ANGPTL6: variants seen among roughly 807,000 people sequenced by gnomAD.
The protein encoded by ANGPTL6 is angiopoietin like 6.
In ANGPTL6, 45 loss-of-function variants were observed where a neutral mutation model predicts 47.4. That is an observed-to-expected ratio of 0.95 (90% CI 0.75 to 1.22). ANGPTL6 has a LOEUF of 1.22. ANGPTL6 is among the 50% of genes most tolerant of loss of function. The pLI, the probability that ANGPTL6 is intolerant of heterozygous loss-of-function variation, is 0.00. For synonymous variants in ANGPTL6, 290 were observed against 295.9 expected (o/e 0.98, Z 0.20); for missense variants, 698 against 669.4 (o/e 1.04, Z -0.47).
chr19:10,106,034 C>T (rs1027472211), upstream of ANGPTL6, among the ~76,000 whole-genome samples: 3 of 152,254 alleles, frequency 2.0e-5, no homozygotes, highest in African/African-American at 7.2e-5. Context: ...TACATGGTCG[C>T]TCCTAATTCG....
In ANGPTL6 at chr19:10,094,852, G is replaced by A; in HGVS notation, c.669C>T (p.Ala223=). The change falls in exon 3 of 6, where the codon GCC becomes GCT. Residue 223 remains alanine, a synonymous_variant. Transcript: ENST00000253109. The stretch of plus-strand genomic sequence containing the variant: ...GGGTCTGGTCTCTCTGGGGCTCTGG[G>A]GCTGGGTCCAGCATCCTACTGGTGT... The part of the protein sequence containing the change: ...TSDTSRMLDP[A]PEPQRDQTQR... The A allele has an allele frequency of 6.2e-7, 1 of 1,614,196 alleles. No individual in the cohort carries two copies. The highest frequency in any genetic ancestry group is 1.1e-5 in the South Asian group (1 of 91,084).
upstream of ANGPTL6, chr19:10,102,933 G>A (rs938255719): frequency 4.8e-5 from 13 of 268,416 alleles, no homozygotes; most frequent in Non-Finnish European, 6.9e-5. Context: ...CAGGCCCTGG[G>A]GCAGCCAGGC....
intron 5 of ANGPTL6, 109 bp from the exon 6 acceptor site, chr19:10,092,888 T>C: frequency 1.1e-6 from 1 of 916,236 alleles, no homozygotes; most frequent in Non-Finnish European, 1.6e-6. Context: ...CCATTCTTAT[T>C]GAATACAAGC....
chr19:10,100,280 G>T (rs533161639), intron 1 of ANGPTL6, among the ~76,000 whole-genome samples: 35 of 151,948 alleles, frequency 2.3e-4, no homozygotes, highest in Non-Finnish European at 4.0e-4. Context: ...GTCGTGCTCT[G>T]TTGCCCAGGC....
intron 1 of ANGPTL6, among the ~76,000 whole-genome samples, chr19:10,099,744 C>G (rs2088634514): frequency 6.6e-6 from 1 of 151,864 alleles, no homozygotes; most frequent in African/African-American, 2.4e-5. Context: ...CCTTCCTATC[C>G]TTATTCAAGT....
rs1031940757 is a variant in ANGPTL6 at position 10,093,976 on chromosome 19, A to G, written c.764-96T>C. ...TTCTCACAGGTCCTCTCACCAGAATAAGAGTTCTGCCTCTCCCACTTTTCT... is the reference window on the plus strand; with the variant it reads ...TTCTCACAGGTCCTCTCACCAGAATGAGAGTTCTGCCTCTCCCACTTTTCT... On this transcript the variant is annotated intron_variant, in intron 3 of 5. Coordinates refer to ENST00000253109, the MANE Select transcript of ANGPTL6 (RefSeq NM_031917.3). 1.4e-5 allele frequency: 18 copies of G among 1,332,726 alleles called. No individual in the cohort carries two copies. In the African/African-American group the frequency reaches 2.6e-4, roughly 19 times the overall value. 82.6% of individuals were successfully genotyped at this position (1,332,726 alleles called of 1,614,324 possible). A position where few individuals can be genotyped will look rare whatever the true frequency, so the allele number is the denominator to read the frequency against.
At chr19:10,103,615 A>G (rs1260407971), upstream of ANGPTL6, among the ~76,000 whole-genome samples, 2 of 25,028 alleles carry the variant, frequency 8.0e-5, no homozygotes, top group Admixed American at 5.2e-4. Flanking sequence ...AAATAAATAA[A>G]TAAATAAATA....
At chr19:10,097,168 G>A (rs2088567758) in intron 1 of ANGPTL6, among the ~76,000 whole-genome samples, 1 of 152,196 alleles carries the variant, frequency 6.6e-6, no homozygotes, top group Non-Finnish European at 1.5e-5. Context: ...CACTTTGGGA[G>A]GCCGAGGTGG....
At chr19:10,102,789 C>T (rs1452069954), upstream of ANGPTL6, 11 of 983,252 alleles carry the variant, frequency 1.1e-5, 1 homozygote, top group Admixed American at 6.2e-5. Flanking sequence ...TAGCATTTCC[C>T]GAATGAGAAA....
upstream of ANGPTL6, among the ~76,000 whole-genome samples, chr19:10,104,300 G>C (rs1476678844): frequency 1.2e-5 from 1 of 86,314 alleles, no homozygotes; most frequent in South Asian, 4.3e-4. Context: ...TGTTTTTTTT[G>C]TTTTGTTTGT....
At chr19:10,094,416 G>C (rs1288468605) in intron 3 of ANGPTL6, 2 of 317,288 alleles carry the variant, frequency 6.3e-6, no homozygotes, top group Non-Finnish European at 1.2e-5. Flanking sequence ...AAAGTGCTGG[G>C]ATTACAGGCA....
Position 10,093,899 on chromosome 19 carries a change from G to C in ANGPTL6, c.764-19C>G, listed in dbSNP as rs187422295. The C allele has an allele frequency of 4.8e-3, 7,705 of 1,604,254 alleles. 268 individuals carry two copies. In the Admixed American group the frequency reaches 0.052, roughly 11 times the overall value. Reference sequence around the variant, plus strand: ...CACGGGCCTGTGGGCACAGGGATAGGGGGGAGGCACAGCCTGGGCTGACCA... The same window carrying C: ...CACGGGCCTGTGGGCACAGGGATAGCGGGGAGGCACAGCCTGGGCTGACCA... On this transcript the variant is annotated intron_variant, in intron 3 of 5. Transcript: ENST00000253109.
Position 10,092,795 on chromosome 19 carries a change from G to A in ANGPTL6, c.1223-16C>T, listed in dbSNP as rs745849563. On this transcript the variant is annotated splice_polypyrimidine_tract_variant and intron_variant, in intron 5 of 5. Coordinates refer to ENST00000253109, the MANE Select transcript of ANGPTL6 (RefSeq NM_031917.3). ...GCACAGTTACCTGAGGGGAGAGAGA[G>A]AGTCCATGTCCTCTCACCAGAATAA... 11 of 1,580,634 alleles carry A rather than the reference G, an allele frequency of 7.0e-6. No homozygotes were observed. The highest frequency in any genetic ancestry group is 2.6e-6 in the Non-Finnish European group (3 of 1,157,212).
At chr19:10,096,737 A>C in intron 1 of ANGPTL6, 164 bp from the exon 2 acceptor site, 2 of 520,262 alleles carry the variant, frequency 3.8e-6, no homozygotes, top group Non-Finnish European at 3.3e-6. Flanking sequence ...GGGTGATCCC[A>C]CTCTGGCTTC....
rs2088547783 is a variant in ANGPTL6 at position 10,096,480 on chromosome 19, G to C, written c.84C>G (p.Thr28=). The change falls in exon 2 of 6, where the codon ACC becomes ACG. Residue 28 remains threonine, a synonymous_variant. Transcript: ENST00000253109. ...TCTGCGGGGGCAGCACGAAGGTGTA[G>C]GTGCAGCGCGGGGCGCCCGCCCGCG... The part of the protein sequence containing the change: ...SWARAGAPRC[T]YTFVLPPQKF... 6.6e-7 allele frequency: 1 copy of C among 1,506,216 alleles called. No individual in the cohort carries two copies. The highest frequency in any genetic ancestry group is 1.4e-5 in the African/African-American group (1 of 69,344). 93.3% of individuals were successfully genotyped at this position (1,506,216 alleles called of 1,614,324 possible).
intron 2 of ANGPTL6, among the ~76,000 whole-genome samples, chr19:10,095,304 C>T (rs1257817237): frequency 6.6e-6 from 1 of 152,106 alleles, no homozygotes; most frequent in South Asian, 2.1e-4. Flanking sequence ...GCCAGCTACT[C>T]GGAAGGTTGA....
upstream of ANGPTL6, among the ~76,000 whole-genome samples, chr19:10,103,672 AAT>A (rs1363408320): frequency 6.6e-6 from 1 of 151,084 alleles, no homozygotes; most frequent in African/African-American, 2.4e-5. Flanking sequence ...TAAAATAAAA[AAT>A]AAATATAAAA....
Position 10,102,631 on chromosome 19 carries a change from G to A in ANGPTL6, c.-74C>T, listed in dbSNP as rs1293748965. 1 of 984,674 alleles carries A rather than the reference G, an allele frequency of 1.0e-6. No individual in the cohort carries two copies. The highest frequency in any genetic ancestry group is 1.2e-6 in the Non-Finnish European group (1 of 829,478). 61.0% of individuals were successfully genotyped at this position (984,674 alleles called of 1,614,324 possible). On this transcript the variant is annotated 5_prime_UTR_variant, in exon 1 of 6. Transcript: ENST00000253109. ...GAACACACAAGAAGTCCAAGGAAGA[G>A]CCGAGGGTCCAGTGGGGCCTCTGAG...
Position 10,096,009 on chromosome 19 carries a change from G to T in ANGPTL6, c.555C>A (p.Cys185Ter). 2 of 1,358,278 alleles carry T rather than the reference G, an allele frequency of 1.5e-6. No homozygotes were observed. The highest frequency in any genetic ancestry group is 1.9e-6 in the Non-Finnish European group (2 of 1,050,190). The allele number at this position is 1,358,278 out of a possible 1,614,324, so 84.1% of individuals were successfully genotyped here. Residue 185 changes from cysteine (C) to a stop codon, truncating the protein, a stop_gained, in exon 2 of 6, where the codon TGC becomes TGA. Coordinates refer to ENST00000253109, the MANE Select transcript of ANGPTL6 (RefSeq NM_031917.3). LOFTEE classifies it high-confidence loss of function. ...SSLIARLERL[C>*]PGGAGGQQQV... is the part of the protein sequence containing the mutation. ...GCTGCTGCCCGCCCGCGCCTCCCGG[G>T]CACAGGCGCTCCAGGCGGGCGATGA...
Sources: allele counts gnomAD v4.1 joint callset (sites outside exome capture counted in the v4.1 genomes callset), GRCh38; gene constraint gnomAD v4.1.1; transcripts MANE v1.5; gene names NCBI Gene and HGNC (gene_info 2026-07-23, HGNC 2026-07-21).